The following CALN1 variants were observed in gnomAD, a reference collection of about 807,000 sequenced individuals.
CALN1 encodes calneuron 1.
In CALN1, 17 loss-of-function variants were observed where a neutral mutation model predicts 30.6. The observed-to-expected ratio is 0.56, with a 90% CI of 0.38 to 0.83. CALN1 has a LOEUF of 0.83. CALN1 is among the 40% of genes least tolerant of loss of function. CALN1 has a pLI of 0.00. For synonymous variants in CALN1, 156 were observed against 131.4 expected, an observed-to-expected ratio of 1.19 and a Z score of -1.28; for missense variants, 291 against 354.9, an observed-to-expected ratio of 0.82 and a Z score of 1.45.
chr7:72,139,460 C>G (rs1232282852), intron 3 of CALN1, among the ~76,000 whole-genome samples: 1 of 151,178 alleles, frequency 6.6e-6, no homozygotes, highest in Admixed American at 6.6e-5. Flanking sequence ...CCACCCTCTT[C>G]TACCAACTTC....
chr7:72,116,963 A>G (rs1808028034), intron 3 of CALN1, among the ~76,000 whole-genome samples: 1 of 152,170 alleles, frequency 6.6e-6, no homozygotes, highest in African/African-American at 2.4e-5. Context: ...GAAGGTGAAC[A>G]TTAATTCAGC....
chr7:72,369,343 T>A (rs1056495538), intron 2 of CALN1, among the ~76,000 whole-genome samples: 1 of 126,026 alleles, frequency 7.9e-6, no homozygotes, highest in African/African-American at 2.7e-5. Flanking sequence ...TTATAAATAT[T>A]ATAAATATTT....
At chr7:72,429,144 A>G (rs1195946158) in intron 1 of CALN1, among the ~76,000 whole-genome samples, 1 of 152,238 alleles carries the variant, frequency 6.6e-6, no homozygotes, top group Non-Finnish European at 1.5e-5. Flanking sequence ...ATTACTAGAC[A>G]TACCATAAAC....
intron 3 of CALN1, among the ~76,000 whole-genome samples, chr7:72,257,850 T>C (rs1796014333): frequency 1.3e-5 from 2 of 152,104 alleles, no homozygotes; most frequent in South Asian, 4.1e-4. Flanking sequence ...TTATTCTAAG[T>C]GAAGTAACTC....
intron 1 of CALN1, among the ~76,000 whole-genome samples, chr7:72,411,546 G>A (rs979970508): frequency 1.3e-5 from 2 of 152,160 alleles, no homozygotes; most frequent in African/African-American, 4.8e-5. Flanking sequence ...TCACTGAAAA[G>A]ACGTCAAGGT....
chr7:72,362,601 C>T (rs1000807610), intron 2 of CALN1, among the ~76,000 whole-genome samples: 12 of 152,160 alleles, frequency 7.9e-5, no homozygotes, highest in African/African-American at 2.2e-4. Flanking sequence ...GTTCCAGAGG[C>T]CTCTCATCTC....
chr7:71,802,946 C>T (rs1787391960), intron 6 of CALN1, among the ~76,000 whole-genome samples: 1 of 152,016 alleles, frequency 6.6e-6, no homozygotes, highest in East Asian at 1.9e-4. Flanking sequence ...ATTGCTTGAA[C>T]CAAGGAGGTG....
intron 2 of CALN1, among the ~76,000 whole-genome samples, chr7:72,387,843 A>C (rs896318969): frequency 1.3e-5 from 2 of 152,214 alleles, no homozygotes; most frequent in Admixed American, 1.3e-4. Context: ...GGTTGATCCC[A>C]TAGAAGTTGA....
At chr7:72,121,592 T>C (rs1475741790) in intron 3 of CALN1, among the ~76,000 whole-genome samples, 1 of 148,832 alleles carries the variant, frequency 6.7e-6, no homozygotes, top group African/African-American at 2.4e-5. Context: ...ACAATATGAT[T>C]TGCGTGTGTG....
intron 5 of CALN1, among the ~76,000 whole-genome samples, chr7:71,927,191 A>G (rs1795313013): frequency 6.6e-6 from 1 of 152,042 alleles, no homozygotes; most frequent in African/African-American, 2.4e-5. Flanking sequence ...TACCTTCAGT[A>G]TACTACCAGT....
the CALN1 span, among the ~76,000 whole-genome samples, chr7:72,456,038 G>C: frequency 6.6e-6 from 1 of 152,086 alleles, no homozygotes. Flanking sequence ...TACAAAATTA[G>C]CTGGGCCTGG....
intron 6 of CALN1, among the ~76,000 whole-genome samples, chr7:71,789,521 C>T (rs188347995): frequency 6.6e-6 from 1 of 152,224 alleles, no homozygotes; most frequent in Non-Finnish European, 1.5e-5. Context: ...TCCGTGAGAT[C>T]TTGGATGCTG....
intron 5 of CALN1, among the ~76,000 whole-genome samples, chr7:71,840,009 G>A (rs1049488128): frequency 5.9e-5 from 9 of 152,094 alleles, no homozygotes; most frequent in Admixed American, 2.6e-4. Context: ...CAGGGAGAGG[G>A]GGCTCAAAGA....
At chr7:72,301,829 A>G (rs927332339) in intron 2 of CALN1, among the ~76,000 whole-genome samples, 2 of 152,166 alleles carry the variant, frequency 1.3e-5, no homozygotes, top group Non-Finnish European at 2.9e-5. Context: ...GGCTGCTACT[A>G]AAACCTGCCT....
intron 3 of CALN1, among the ~76,000 whole-genome samples, chr7:72,218,325 G>C (rs1186309165): frequency 6.6e-6 from 1 of 152,026 alleles, no homozygotes; most frequent in Non-Finnish European, 1.5e-5. Context: ...GCATGCACCT[G>C]TAGTCCTAGC....
At chr7:72,127,407 T>G (rs2129542620) in intron 3 of CALN1, among the ~76,000 whole-genome samples, 2 of 152,062 alleles carry the variant, frequency 1.3e-5, no homozygotes, top group South Asian at 4.2e-4. Context: ...GTTTTTACTG[T>G]GAATGAGGTG....
chr7:72,143,992 G>C (rs1333026689), intron 3 of CALN1, among the ~76,000 whole-genome samples: 1 of 152,194 alleles, frequency 6.6e-6, no homozygotes, highest in East Asian at 1.9e-4. Flanking sequence ...ACATGGAAAG[G>C]AACAACTGGT....
intron 3 of CALN1, 70 bp downstream of exon 3, chr7:72,278,616 G>T: frequency 6.3e-7 from 1 of 1,579,812 alleles, no homozygotes. Context: ...GCTTTCAATT[G>T]AGCTTCACAA....
At chr7:72,318,703 GCTTTTT>G (rs1329429777) in intron 2 of CALN1, among the ~76,000 whole-genome samples, 2 of 104,168 alleles carry the variant, frequency 1.9e-5, no homozygotes, top group South Asian at 4.0e-4. Context: ...ACCATGTGTA[GCTTTTT>G]TTTTTTTTTT....
Sources: allele counts gnomAD v4.1 joint callset (sites outside exome capture counted in the v4.1 genomes callset), GRCh38; gene constraint gnomAD v4.1.1; transcripts MANE v1.5; gene names NCBI Gene and HGNC (gene_info 2026-07-23, HGNC 2026-07-21).